Variants in RIIAD1 observed in about 807,000 individuals in gnomAD.
The protein encoded by RIIAD1 is regulatory subunit of type II PKA R-subunit domain containing 1.
Under a neutral mutation model 13.3 loss-of-function variants are expected in RIIAD1, and 15 were observed. The ratio of observed to expected loss-of-function variants is 1.13; its 90% CI spans 0.76 to 1.74. The LOEUF is 1.74. RIIAD1 is among the 40% of genes most tolerant of loss of function. The probability of loss-of-function intolerance (pLI) is 0.00; values close to 1 mark genes in which losing one functional copy is unlikely to be tolerated. For synonymous variants in RIIAD1, 50 were observed against 43.3 expected, an observed-to-expected ratio of 1.16 and a Z score of -0.61; for missense variants, 121 against 112.2, an observed-to-expected ratio of 1.08 and a Z score of -0.35.
Position 151,721,554 on chromosome 1 carries a change from C to A in RIIAD1, c.18C>A (p.Gly6=). Residue 6 remains glycine (G), a synonymous_variant, in exon 1 of 5, where the codon GGC becomes GGA. Coordinates refer to ENST00000479191, the MANE Select transcript of RIIAD1 (RefSeq NM_001144956.3). METLP[G]LLQRPDPGAL... is the part of the protein sequence containing the mutation. The stretch of plus-strand genomic sequence containing the variant: ...GCAGCAAGATGGAGACGCTGCCAGG[C>A]TTGCTGCAGCGGCCCGACCCCGGGG... 1.5e-6 allele frequency: 2 copies of A among 1,330,874 alleles called. No homozygotes were observed. Among genetic ancestry groups the A allele is most frequent in the South Asian group, 1.8e-5 (1 of 54,500 alleles). 82.4% of individuals were successfully genotyped at this position (1,330,874 alleles called of 1,614,324 possible).
intron 4 of RIIAD1, chr1:151,714,532 G>T: frequency 1.6e-6 from 2 of 1,212,210 alleles, no homozygotes; most frequent in Non-Finnish European, 2.4e-6. Context: ...GGAGGGTGGT[G>T]AGCCTCCTGC....
chr1:151,728,514 C>T (rs1647231431), intron 3 of RIIAD1: 1 of 443,954 alleles, frequency 2.3e-6, no homozygotes, highest in Non-Finnish European at 4.0e-6. Flanking sequence ...GGGCCAGGCA[C>T]AGCGTGGAGG....
In RIIAD1 at chr1:151,728,827, A is replaced by C; in HGVS notation, c.270A>C (p.Lys90Asn). The C allele has an allele frequency of 6.5e-7, 1 of 1,539,166 alleles. No individual in the cohort carries two copies. The highest frequency in any genetic ancestry group is 8.8e-7 in the Non-Finnish European group (1 of 1,135,712). The change falls in exon 4 of 5, where the codon AAA becomes AAC. Residue 90 changes from lysine to asparagine, a missense_variant. Coordinates refer to ENST00000479191, the MANE Select transcript of RIIAD1 (RefSeq NM_001144956.3). ...ACATGCAGCTAATTAAAGACAAGAA[A>C]GCGGCTTAATTAGCAAAATCATGAT... ...KIHMQLIKDK[K>N]AA
At chr1:151,726,915 T>A (rs1055127855) in intron 2 of RIIAD1, among the ~76,000 whole-genome samples, 3 of 152,204 alleles carry the variant, frequency 2.0e-5, no homozygotes, top group Admixed American at 6.5e-5. Flanking sequence ...TGGGGCTGCA[T>A]ATCTCCCACC....
At chr1:151,712,736 C>T (rs1384134528) in intron 2 of RIIAD1, among the ~76,000 whole-genome samples, 2 of 152,168 alleles carry the variant, frequency 1.3e-5, no homozygotes, top group Non-Finnish European at 2.9e-5. Context: ...AAATATCACC[C>T]TAGTATGGTA....
Position 151,721,529 on chromosome 1 carries a change from G to A in RIIAD1, c.-8G>A, listed in dbSNP as rs765444178. On this transcript the variant is annotated 5_prime_UTR_variant, in exon 1 of 5. Transcript: ENST00000479191. ...CTCGCGGCCGGTCGCCTTGACGACC[G>A]CAGCAAGATGGAGACGCTGCCAGGC... is the stretch of plus-strand genomic sequence containing the variant. 3 of 1,310,768 alleles carry A rather than the reference G, an allele frequency of 2.3e-6. No homozygotes were observed. The highest frequency in any genetic ancestry group is 7.8e-5 in the Admixed American group (2 of 25,532). The allele number at this position is 1,310,768 out of a possible 1,614,324, so 81.2% of individuals were successfully genotyped here.
At chr1:151,721,680 GCCC>G in intron 1 of RIIAD1, 60 bp downstream of exon 1, 1 of 1,074,236 alleles carries the variant, frequency 9.3e-7, no homozygotes, top group Non-Finnish European at 1.2e-6. Context: ...CAGGACTGGG[GCCC>G]CAGACTGGGA....
intron 2 of RIIAD1, among the ~76,000 whole-genome samples, chr1:151,722,661 A>G (rs1017295503): frequency 6.6e-6 from 1 of 152,328 alleles, no homozygotes; most frequent in Middle Eastern, 3.4e-3. Flanking sequence ...AAAACAATAG[A>G]GCTATCTCAA....
intron 2 of RIIAD1, among the ~76,000 whole-genome samples, chr1:151,726,005 G>A (rs1673823094): frequency 6.6e-6 from 1 of 152,186 alleles, no homozygotes; most frequent in South Asian, 2.1e-4. Flanking sequence ...AGATAGAAAG[G>A]TGTCTACAAC....
chr1:151,728,456 A>G (rs999389830), intron 3 of RIIAD1: 1 of 366,904 alleles, frequency 2.7e-6, no homozygotes, highest in Non-Finnish European at 4.8e-6. Context: ...CAGGCGGAGG[A>G]GCAAACGGTG....
At chr1:151,719,438 A>G (rs1323356288), upstream of RIIAD1, among the ~76,000 whole-genome samples, 1 of 152,070 alleles carries the variant, frequency 6.6e-6, no homozygotes. Context: ...AAGATTATTG[A>G]ATTTATAAAG....
chr1:151,724,669 C>G (rs905491420), intron 2 of RIIAD1, among the ~76,000 whole-genome samples: 1 of 152,182 alleles, frequency 6.6e-6, no homozygotes, highest in Non-Finnish European at 1.5e-5. Context: ...TACAGCGTAC[C>G]AAACTCTTAA....
At chr1:151,716,828 A>G (rs1363289784), upstream of RIIAD1, 3 of 216,814 alleles carry the variant, frequency 1.4e-5, no homozygotes, top group Non-Finnish European at 3.0e-5. Flanking sequence ...CCCCCTCCCC[A>G]CTCCCACCTC....
upstream of RIIAD1, among the ~76,000 whole-genome samples, chr1:151,720,681 C>T (rs1027865100): frequency 1.3e-5 from 2 of 152,204 alleles, no homozygotes; most frequent in Non-Finnish European, 2.9e-5. Context: ...AAAAGACAGC[C>T]TCCCTTTTTT....
At chr1:151,721,133 A>C (rs778996255), upstream of RIIAD1, among the ~76,000 whole-genome samples, 1 of 152,194 alleles carries the variant, frequency 6.6e-6, no homozygotes. Flanking sequence ...TGTACCGGAC[A>C]GAGGGACGGG....
At chr1:151,716,562 C>T (rs1203575249), upstream of RIIAD1, 6 of 344,048 alleles carry the variant, frequency 1.7e-5, no homozygotes, top group Admixed American at 7.7e-5. Context: ...GTGGCGGATC[C>T]TTCTGCTGGG....
At position 151,722,686 on chromosome 1, in the gene RIIAD1, T is replaced by C. The variant is rs1272184650; in HGVS notation, c.161+524T>C. Among the ~76,000 whole-genome samples the C allele has an allele frequency of 4.6e-5, 7 of 152,234 alleles. No individual in the cohort carries two copies. In the East Asian group the frequency reaches 1.3e-3, roughly 29 times the overall value. ...AGCTATCTCAAATGCTGTTTGGTTA[T>C]AGACAAATAGACAAGGTTTAAATAA... is the stretch of plus-strand genomic sequence containing the variant. On this transcript the variant is annotated intron_variant, in intron 2 of 4. Coordinates refer to ENST00000479191, the MANE Select transcript of RIIAD1 (RefSeq NM_001144956.3).
intron 3 of RIIAD1, among the ~76,000 whole-genome samples, chr1:151,713,917 A>C (rs966209277): frequency 3.9e-5 from 6 of 152,086 alleles, no homozygotes; most frequent in African/African-American, 1.4e-4. Flanking sequence ...GAGAGGGGCC[A>C]CCTCTGAGGC....
At chr1:151,715,378 C>T (rs1673391604) in intron 4 of RIIAD1, among the ~76,000 whole-genome samples, 1 of 152,128 alleles carries the variant, frequency 6.6e-6, no homozygotes, top group Non-Finnish European at 1.5e-5. Flanking sequence ...CCTTCATGCC[C>T]TGCTTCCTAG....
Sources: allele counts gnomAD v4.1 joint callset (sites outside exome capture counted in the v4.1 genomes callset), GRCh38; gene constraint gnomAD v4.1.1; transcripts MANE v1.5; gene names NCBI Gene and HGNC (gene_info 2026-07-23, HGNC 2026-07-21).